ERLEC1: variants seen among roughly 807,000 people sequenced by gnomAD.
ERLEC1 encodes the protein endoplasmic reticulum lectin 1.
In ERLEC1, 47 loss-of-function variants were observed where a neutral mutation model predicts 68.0. The observed-to-expected ratio is 0.69, with a 90% confidence interval of 0.55 to 0.88. ERLEC1 has a LOEUF of 0.88. Among genes scored for constraint, ERLEC1 ranks in the 40% least tolerant of loss-of-function variants. The probability of loss-of-function intolerance (pLI) is 0.00; values close to 1 mark genes in which losing one functional copy is unlikely to be tolerated. For synonymous variants in ERLEC1, 225 were observed against 203.2 expected (o/e 1.11, Z -0.91); for missense variants, 567 against 583.8 (o/e 0.97, Z 0.30).
In ERLEC1 at chr2:53,804,795, T is replaced by G. The variant is rs192252451; in HGVS notation, c.879+2953T>G. Among the ~76,000 whole-genome samples, 8 of 152,120 alleles carry G rather than the reference T, an allele frequency of 5.3e-5. 1 individual carries two copies. In the East Asian group the frequency reaches 1.5e-3, roughly 29 times the overall value. Reference sequence around the variant, plus strand: ...TACCCATTAACCATCCCCACCTCCTTCACAACCTCCCACTACCCTTCCCAG... The same window carrying G: ...TACCCATTAACCATCCCCACCTCCTGCACAACCTCCCACTACCCTTCCCAG... On this transcript the variant is annotated intron_variant, in intron 8 of 13. Transcript: ENST00000185150.
chr2:53,787,293 C>G lies in ERLEC1; in HGVS notation c.83C>G (p.Ser28Cys). 6.2e-7 allele frequency: 1 copy of G among 1,609,808 alleles called. No homozygotes were observed. Among genetic ancestry groups the G allele is most frequent in the Non-Finnish European group, 8.5e-7 (1 of 1,179,970 alleles). Residue 28 changes from serine to cysteine, a missense_variant, in exon 1 of 14, where the codon TCC becomes TGC. Coordinates refer to ENST00000185150, the MANE Select transcript of ERLEC1 (RefSeq NM_015701.5). The part of the protein sequence containing the change: ...LLVLCGLLEA[S>C]GGGRALPQLS... Reference sequence around the variant, plus strand: ...GTCCTCTGCGGCCTCCTGGAGGCGTCCGGCGGCGGCCGAGCCCTTCCTCAA... The same window carrying G: ...GTCCTCTGCGGCCTCCTGGAGGCGTGCGGCGGCGGCCGAGCCCTTCCTCAA...
Position 53,795,963 on chromosome 2 carries a change from C to G in ERLEC1, c.298C>G (p.Pro100Ala). The change falls in exon 3 of 14, where the codon CCA becomes GCA. Residue 100 changes from proline to alanine, a missense_variant. Physicochemically the swap from Pro to Ala is conservative, Grantham distance 27 (BLOSUM62 -1). Coordinates refer to ENST00000185150, the MANE Select transcript of ERLEC1 (RefSeq NM_015701.5). ...EEEKDYKGPN[P>A]RELLEPLFKQ... Reference sequence around the variant, plus strand: ...AGAAAAGGATTATAAAGGCCCTAATCCAAGAGAGCTTTTGGAGCCACTATT... The same window carrying G: ...AGAAAAGGATTATAAAGGCCCTAATGCAAGAGAGCTTTTGGAGCCACTATT... 1 of 1,604,608 alleles carries G rather than the reference C, an allele frequency of 6.2e-7. No homozygotes were observed. Among genetic ancestry groups the G allele is most frequent in the Non-Finnish European group, 8.5e-7 (1 of 1,176,706 alleles).
intron 9 of ERLEC1, 51 bp downstream of exon 9, chr2:53,808,511 A>G (rs1553392266): frequency 6.3e-7 from 1 of 1,578,754 alleles, no homozygotes; most frequent in East Asian, 2.2e-5. Context: ...TTTACCTGCC[A>G]GGTATGGTCA....
In ERLEC1 at chr2:53,790,534, A is replaced by G. The variant is rs79518391; in HGVS notation, c.162+3162A>G. Among the ~76,000 whole-genome samples the G allele has an allele frequency of 1.9e-3, 282 of 152,364 alleles. 2 individuals carry two copies. The highest frequency in any genetic ancestry group is 6.6e-3 in the African/African-American group (273 of 41,582). On this transcript the variant is annotated intron_variant, in intron 1 of 13. Coordinates refer to ENST00000185150, the MANE Select transcript of ERLEC1 (RefSeq NM_015701.5). ...TTTAAGCTTTAAAATTGTCTGCTTTAAATTGTCTTCCCATTCAGATATATC... is the reference window on the plus strand; with the variant it reads ...TTTAAGCTTTAAAATTGTCTGCTTTGAATTGTCTTCCCATTCAGATATATC...
At chr2:53,792,032 C>T (rs1404650679) in intron 1 of ERLEC1, among the ~76,000 whole-genome samples, 5 of 152,012 alleles carry the variant, frequency 3.3e-5, no homozygotes, top group Non-Finnish European at 5.9e-5. Flanking sequence ...CTGCCTCAGC[C>T]TCCCGAGTAG....
At chr2:53,795,892 T>A (rs1558593627) in intron 2 of ERLEC1, 41 bp from the exon 3 acceptor site, 1 of 1,358,754 alleles carries the variant, frequency 7.4e-7, no homozygotes, top group South Asian at 1.3e-5. Flanking sequence ...TGGGTGAAAT[T>A]CTAGAAAAAC....
intron 1 of ERLEC1, among the ~76,000 whole-genome samples, chr2:53,793,736 GT>G (rs1478969695): frequency 6.6e-6 from 1 of 151,546 alleles, no homozygotes; most frequent in Non-Finnish European, 1.5e-5. Flanking sequence ...ACTTCAATCT[GT>G]TGCATTCCTC....
chr2:53,812,940 C>G lies in ERLEC1; in HGVS notation c.1102-9C>G, dbSNP rs370904279. ...GCACGCATTATCACAAATTTTTTTCCCATATTAGGACAAGGATAGTGGGAA... is the reference window on the plus strand; with the variant it reads ...GCACGCATTATCACAAATTTTTTTCGCATATTAGGACAAGGATAGTGGGAA... On this transcript the variant is annotated splice_polypyrimidine_tract_variant and intron_variant, in intron 10 of 13. Coordinates refer to ENST00000185150, the MANE Select transcript of ERLEC1 (RefSeq NM_015701.5). 6.3e-7 allele frequency: 1 copy of G among 1,596,732 alleles called. No homozygotes were observed. Among genetic ancestry groups the G allele is most frequent in the Non-Finnish European group, 8.5e-7 (1 of 1,176,114 alleles).
intron 8 of ERLEC1, among the ~76,000 whole-genome samples, chr2:53,802,805 T>A (rs1676074707): frequency 6.6e-6 from 1 of 152,042 alleles, no homozygotes; most frequent in South Asian, 2.1e-4. Context: ...GATCTCGGCT[T>A]ACTGCAGTCT....
rs764173201 is a variant in ERLEC1 at position 53,801,521 on chromosome 2, C to G, written c.650C>G (p.Pro217Arg). ...RSSTVMYICH[P>R]ESKHEILSVA... Reference sequence around the variant, plus strand: ...AGTACTGTGATGTACATATGTCATCCTGAATCTAAGCATGAAATTCTTTCA... The same window carrying G: ...AGTACTGTGATGTACATATGTCATCGTGAATCTAAGCATGAAATTCTTTCA... Residue 217 changes from proline to arginine, a missense_variant, in exon 7 of 14, where the codon CCT becomes CGT. Transcript: ENST00000185150. 4.3e-6 allele frequency: 7 copies of G among 1,613,916 alleles called. No homozygotes were observed. In the East Asian group the frequency reaches 1.3e-4, roughly 31 times the overall value.
At chr2:53,788,994 C>G (rs970107207) in intron 1 of ERLEC1, among the ~76,000 whole-genome samples, 3 of 151,988 alleles carry the variant, frequency 2.0e-5, no homozygotes, top group Non-Finnish European at 4.4e-5. Flanking sequence ...AAGCGAGCGA[C>G]TAAAACTAGC....
At chr2:53,805,426 C>T (rs984506926) in intron 8 of ERLEC1, among the ~76,000 whole-genome samples, 8 of 151,902 alleles carry the variant, frequency 5.3e-5, no homozygotes, top group African/African-American at 1.5e-4. Flanking sequence ...CTATGTTGCC[C>T]GGGCTGGTTT....
chr2:53,787,514 A>G, intron 1 of ERLEC1, 142 bp downstream of exon 1: 2 of 970,054 alleles, frequency 2.1e-6, no homozygotes, highest in Non-Finnish European at 1.5e-6. Context: ...GCTTTTATGC[A>G]GCGTTCATTC....
In ERLEC1 at chr2:53,808,468, G is replaced by A; in HGVS notation, c.1041+8G>A. 1 of 1,612,492 alleles carries A rather than the reference G, an allele frequency of 6.2e-7. No individual in the cohort carries two copies. The highest frequency in any genetic ancestry group is 1.1e-5 in the South Asian group (1 of 90,846). ...TCTTACTGCTTTCGTGGGGTGAGAA[G>A]TAAATCTTCAGTTTAAATATTTATT... On this transcript the variant is annotated splice_region_variant and intron_variant, in intron 9 of 13. Coordinates refer to ENST00000185150, the MANE Select transcript of ERLEC1 (RefSeq NM_015701.5).
At chr2:53,791,195 A>G (rs1255637112) in intron 1 of ERLEC1, among the ~76,000 whole-genome samples, 1 of 152,228 alleles carries the variant, frequency 6.6e-6, no homozygotes, top group African/African-American at 2.4e-5. Context: ...TCATGCCAAG[A>G]TATTTTTTAA....
intron 6 of ERLEC1, 27 bp downstream of exon 6, chr2:53,799,108 C>G (rs181112037): frequency 6.3e-7 from 1 of 1,599,328 alleles, no homozygotes; most frequent in African/African-American, 1.3e-5. Flanking sequence ...GATTTTTTTC[C>G]TCTTAACACT....
chr2:53,795,281 G>C (rs1053604372), intron 2 of ERLEC1, among the ~76,000 whole-genome samples: 6 of 152,186 alleles, frequency 3.9e-5, no homozygotes, highest in Non-Finnish European at 7.3e-5. Flanking sequence ...ATAGCTAGCT[G>C]TGGAACCTTG....
intron 13 of ERLEC1, among the ~76,000 whole-genome samples, chr2:53,816,459 G>C (rs568996914): frequency 6.6e-4 from 101 of 152,046 alleles, no homozygotes; most frequent in African/African-American, 2.3e-3. Flanking sequence ...AGTAGAGACA[G>C]TGTTTCACCT....
intron 1 of ERLEC1, among the ~76,000 whole-genome samples, chr2:53,790,667 T>C (rs982382698): frequency 4.6e-5 from 7 of 152,142 alleles, no homozygotes; most frequent in African/African-American, 1.7e-4. Flanking sequence ...GTAGAGATAG[T>C]TTCCCTATGT....
Sources: allele counts gnomAD v4.1 joint callset (sites outside exome capture counted in the v4.1 genomes callset), GRCh38; gene constraint gnomAD v4.1.1; transcripts MANE v1.5; gene names NCBI Gene and HGNC (gene_info 2026-07-23, HGNC 2026-07-21).